DYRK3: variants seen among roughly 807,000 people sequenced by gnomAD.
DYRK3 encodes the protein dual specificity tyrosine-phosphorylation-regulated kinase 3.
DYRK3 carries 30 observed loss-of-function variants against 40.8 expected under a neutral mutation model. The observed-to-expected ratio is 0.74, with a 90% CI of 0.55 to 1.00. The LOEUF (loss-of-function observed/expected upper bound fraction) is 1.00, where lower values mean the gene tolerates loss of function less well. Among genes scored for constraint, DYRK3 ranks in the 50% least tolerant of loss-of-function variants. DYRK3 has a pLI of 0.00. For missense variants in DYRK3, 699 were observed against 731.5 expected (o/e 0.96, Z 0.51); for synonymous variants, 272 against 260.7 (o/e 1.04, Z -0.42).
In DYRK3 at chr1:206,636,108, A is replaced by AG. The variant is rs782086823; in HGVS notation, c.77+335dup. Reference sequence around the variant, plus strand: ...GACTTTTTGTGGGGCTTTTTATTAAAGGGGGGGAGCCCGGGAGCAATACCT... The same window carrying AG: ...GACTTTTTGTGGGGCTTTTTATTAAAGGGGGGGGAGCCCGGGAGCAATACCT... On this transcript the variant is annotated intron_variant, in intron 1 of 2. Transcript: ENST00000367109. 83 of 1,402,004 alleles carry AG rather than the reference A, an allele frequency of 5.9e-5. No individual in the cohort carries two copies. In the East Asian group the frequency reaches 8.3e-4, roughly 14 times the overall value. The allele number at this position is 1,402,004 out of a possible 1,614,324, so 86.8% of individuals were successfully genotyped here. A position where few individuals can be genotyped will look rare whatever the true frequency, so the allele number is the denominator to read the frequency against.
In DYRK3 at chr1:206,647,789, T is replaced by C. The variant is rs1553420400; in HGVS notation, c.591T>C (p.Tyr197=). Residue 197 remains tyrosine, a synonymous_variant, in exon 3 of 3, where the codon TAT becomes TAC. Coordinates refer to ENST00000367109, the MANE Select transcript of DYRK3 (RefSeq NM_003582.4). ...GGTATGATGATGCAGATGGGGCCTA[T>C]ATTCATGTACCTCGAGACCATCTAG... The part of the protein sequence containing the change: ...NGGYDDADGA[Y]IHVPRDHLAY... 3 of 1,614,176 alleles carry C rather than the reference T, an allele frequency of 1.9e-6. No individual in the cohort carries two copies. The highest frequency in any genetic ancestry group is 2.5e-6 in the Non-Finnish European group (3 of 1,180,036).
rs1408605498 is a variant in DYRK3, at chr1:206,653,713, T to C, written c.*4748T>C. 6.6e-6 allele frequency among the ~76,000 whole-genome samples: 1 copy of C among 152,204 alleles called. No homozygotes were observed. Among genetic ancestry groups the C allele is most frequent in the Non-Finnish European group, 1.5e-5 (1 of 68,030 alleles). On this transcript the variant is annotated 3_prime_UTR_variant, in exon 3 of 3. Coordinates refer to ENST00000367109, the MANE Select transcript of DYRK3 (RefSeq NM_003582.4). ...TTGATAATAATGAAAAAAAAATGAA[T>C]ACCACCAAAACCTAACTATGATGTA...
In DYRK3 at chr1:206,650,998, C is replaced by T. The variant is rs930109236; in HGVS notation, c.*2033C>T. Among the ~76,000 whole-genome samples the T allele has an allele frequency of 4.6e-5, 7 of 152,320 alleles. No homozygotes were observed. Among genetic ancestry groups the T allele is most frequent in the Non-Finnish European group, 5.9e-5 (4 of 68,030 alleles). ...TGGTTTACAGAAGGCAATAAATATA[C>T]AACTCCTTTAGATCCCTCTAACTCC... is the stretch of plus-strand genomic sequence containing the variant. On this transcript the variant is annotated 3_prime_UTR_variant, in exon 3 of 3. Coordinates refer to ENST00000367109, the MANE Select transcript of DYRK3 (RefSeq NM_003582.4).
intron 2 of DYRK3, among the ~76,000 whole-genome samples, chr1:206,639,824 T>C (rs1282154278): frequency 6.6e-6 from 1 of 152,144 alleles, no homozygotes; most frequent in Non-Finnish European, 1.5e-5. Context: ...TTACTTACAT[T>C]GTATGTTTCA....
intron 2 of DYRK3, among the ~76,000 whole-genome samples, chr1:206,638,146 T>C (rs781826260): frequency 6.6e-6 from 1 of 152,156 alleles, no homozygotes; most frequent in Non-Finnish European, 1.5e-5. Flanking sequence ...TTTTTTCCCC[T>C]GCACGGTGGA....
chr1:206,647,394 A>G lies in DYRK3; in HGVS notation c.196A>G (p.Thr66Ala), dbSNP rs781787525. The change falls in exon 3 of 3, where the codon ACT becomes GCT. Residue 66 changes from threonine to alanine, a missense_variant. Physicochemically the swap from Thr to Ala is moderately conservative, Grantham distance 58. Coordinates refer to ENST00000367109, the MANE Select transcript of DYRK3 (RefSeq NM_003582.4). ...TTCATTTTCTCTTTCATAGATGACC[A>G]CTGAGCAGTTTACAGGAGATCATAC... ...PPPPRRLNMT[T>A]EQFTGDHTQH... is the part of the protein sequence containing the mutation. 1.3e-6 allele frequency: 2 copies of G among 1,598,246 alleles called. No homozygotes were observed. The highest frequency in any genetic ancestry group is 1.7e-5 in the Admixed American group (1 of 57,346).
At chr1:206,641,341 T>TACACTGTTGGTGGGA (rs1159411303) in intron 2 of DYRK3, among the ~76,000 whole-genome samples, 3 of 151,158 alleles carry the variant, frequency 2.0e-5, no homozygotes, top group Admixed American at 6.6e-5. Context: ...TGTTTGGTTT[T>TACACTGTTGGTGGGA]CCATTTCTGA....
chr1:206,635,653 G>A lies in DYRK3; in HGVS notation c.-51G>A, dbSNP rs1671075293. 3.2e-6 allele frequency: 4 copies of A among 1,243,516 alleles called. No homozygotes were observed. Among genetic ancestry groups the A allele is most frequent in the Admixed American group, 8.4e-5 (2 of 23,712 alleles). 77.0% of individuals were successfully genotyped at this position (1,243,516 alleles called of 1,614,324 possible). A position where few individuals can be genotyped will look rare whatever the true frequency, so the allele number is the denominator to read the frequency against. On this transcript the variant is annotated 5_prime_UTR_variant, in exon 1 of 3. Coordinates refer to ENST00000367109, the MANE Select transcript of DYRK3 (RefSeq NM_003582.4). ...CCGTCCCGGCGTAGGTGGCGTGGCC[G>A]ACCGGACCCCCAACTGGCGCCTCTC...
intron 2 of DYRK3, among the ~76,000 whole-genome samples, chr1:206,639,489 A>G (rs1475013643): frequency 1.7e-5 from 2 of 120,386 alleles, no homozygotes; most frequent in African/African-American, 3.3e-5. Context: ...TTTTTTTGAG[A>G]TGGACTCTCA....
chr1:206,650,828 G>A lies in DYRK3; in HGVS notation c.*1863G>A, dbSNP rs1301277343. Among the ~76,000 whole-genome samples, 1 of 152,220 alleles carries A rather than the reference G, an allele frequency of 6.6e-6. No homozygotes were observed. Among genetic ancestry groups the A allele is most frequent in the Non-Finnish European group, 1.5e-5 (1 of 68,044 alleles). The stretch of plus-strand genomic sequence containing the variant: ...AATCTCTCTCATTTAAATGTCCACA[G>A]TGGCTTTAGTCTCCCAAGTACAAGG... On this transcript the variant is annotated 3_prime_UTR_variant, in exon 3 of 3. Coordinates refer to ENST00000367109, the MANE Select transcript of DYRK3 (RefSeq NM_003582.4).
rs200690392 is a variant in DYRK3 at position 206,635,650 on chromosome 1, G to A, written c.-54G>A. Reference sequence around the variant, plus strand: ...CAGCCGTCCCGGCGTAGGTGGCGTGGCCGACCGGACCCCCAACTGGCGCCT... The same window carrying A: ...CAGCCGTCCCGGCGTAGGTGGCGTGACCGACCGGACCCCCAACTGGCGCCT... On this transcript the variant is annotated 5_prime_UTR_variant, in exon 1 of 3. Coordinates refer to ENST00000367109, the MANE Select transcript of DYRK3 (RefSeq NM_003582.4). 8.0e-7 allele frequency: 1 copy of A among 1,243,198 alleles called. No homozygotes were observed. The highest frequency in any genetic ancestry group is 3.2e-5 in the East Asian group (1 of 31,730). The allele number at this position is 1,243,198 out of a possible 1,614,324, so 77.0% of individuals were successfully genotyped here. A position where few individuals can be genotyped will look rare whatever the true frequency, so the allele number is the denominator to read the frequency against.
At chr1:206,636,943 C>A in intron 1 of DYRK3, 1 of 1,612,802 alleles carries the variant, frequency 6.2e-7, no homozygotes, top group South Asian at 1.1e-5. Flanking sequence ...CTCCACCATC[C>A]ACCAGAAAAT....
chr1:206,638,989 C>G (rs988462774), intron 2 of DYRK3, among the ~76,000 whole-genome samples: 2 of 151,146 alleles, frequency 1.3e-5, no homozygotes, highest in Non-Finnish European at 2.9e-5. Context: ...AAGCAATTCT[C>G]CTGCCTCAGC....
Position 206,647,661 on chromosome 1 carries a change from A to G in DYRK3, c.463A>G (p.Thr155Ala), listed in dbSNP as rs1671494818. Residue 155 changes from threonine (T) to alanine (A), a missense_variant, in exon 3 of 3, where the codon ACT (threonine) becomes GCT (alanine). Coordinates refer to ENST00000367109, the MANE Select transcript of DYRK3 (RefSeq NM_003582.4). The part of the protein sequence containing the change: ...QALKQYKHHL[T>A]AYEKLEIINY... ...CCTGAAGCAATATAAACACCACCTC[A>G]CTGCCTATGAGAAACTGGAAATAAT... 1.2e-6 allele frequency: 2 copies of G among 1,614,100 alleles called. No homozygotes were observed. Among genetic ancestry groups the G allele is most frequent in the Non-Finnish European group, 1.7e-6 (2 of 1,180,014 alleles).
intron 2 of DYRK3, among the ~76,000 whole-genome samples, chr1:206,644,306 A>T (rs1403007959): frequency 1.3e-5 from 2 of 152,050 alleles, no homozygotes; most frequent in Non-Finnish European, 2.9e-5. Context: ...AAGTGCTGGG[A>T]TTACAGGCGT....
Position 206,635,654 on chromosome 1 carries a change from A to G in DYRK3, c.-50A>G, listed in dbSNP as rs2102325980. On this transcript the variant is annotated 5_prime_UTR_variant, in exon 1 of 3. Transcript: ENST00000367109. Reference sequence around the variant, plus strand: ...CGTCCCGGCGTAGGTGGCGTGGCCGACCGGACCCCCAACTGGCGCCTCTCC... The same window carrying G: ...CGTCCCGGCGTAGGTGGCGTGGCCGGCCGGACCCCCAACTGGCGCCTCTCC... 4.8e-6 allele frequency: 6 copies of G among 1,243,818 alleles called. No individual in the cohort carries two copies. The highest frequency in any genetic ancestry group is 5.1e-6 in the Non-Finnish European group (5 of 989,358). 77.0% of individuals were successfully genotyped at this position (1,243,818 alleles called of 1,614,324 possible). A position where few individuals can be genotyped will look rare whatever the true frequency, so the allele number is the denominator to read the frequency against.
At chr1:206,637,493 C>G (rs1009693855) in intron 1 of DYRK3, among the ~76,000 whole-genome samples, 157 bp from the exon 2 acceptor site, 1 of 152,190 alleles carries the variant, frequency 6.6e-6, no homozygotes, top group Non-Finnish European at 1.5e-5. Context: ...TCCTCTGTAC[C>G]TCTTCCAAAT....
rs548193469 is a variant in DYRK3, at chr1:206,644,678, T to G, written c.190-2710T>G. ...CCTCAGCCTCCCAAGTAGCTGGGAA[T>G]GCAGGTGCGCGCCACTACGCCTGGC... On this transcript the variant is annotated intron_variant, in intron 2 of 2. Transcript: ENST00000367109. Among the ~76,000 whole-genome samples the G allele has an allele frequency of 1.1e-4, 17 of 152,338 alleles. No individual in the cohort carries two copies. The South Asian group carries it at 2.1e-3, about 19-fold the overall frequency.
rs1206981610 is a variant in DYRK3, at chr1:206,651,819, C to T, written c.*2854C>T. Among the ~76,000 whole-genome samples, 1 of 152,182 alleles carries T rather than the reference C, an allele frequency of 6.6e-6. No homozygotes were observed. The highest frequency in any genetic ancestry group is 1.5e-5 in the Non-Finnish European group (1 of 68,026). ...ATTGGATTTCTGCATGGGTTTCTCA[C>T]TGAATAGTAAATTAGAGAAAATGCT... is the stretch of plus-strand genomic sequence containing the variant. On this transcript the variant is annotated 3_prime_UTR_variant, in exon 3 of 3. Transcript: ENST00000367109.
Sources: allele counts gnomAD v4.1 joint callset (sites outside exome capture counted in the v4.1 genomes callset), GRCh38; gene constraint gnomAD v4.1.1; transcripts MANE v1.5; gene names NCBI Gene and HGNC (gene_info 2026-07-23, HGNC 2026-07-21).